Variants in PIK3C3 observed in about 807,000 individuals in gnomAD.
The protein encoded by PIK3C3 is PI3-kinase type 3.
Under a neutral mutation model 126.1 loss-of-function variants are expected in PIK3C3, and 95 were observed. That is an observed-to-expected ratio of 0.75 (90% CI 0.64 to 0.89). The LOEUF (loss-of-function observed/expected upper bound fraction) is 0.89, where lower values mean the gene tolerates loss of function less well. PIK3C3 is among the 40% of genes least tolerant of loss of function. The pLI is 0.00. For synonymous variants in PIK3C3, 374 were observed against 360.0 expected (o/e 1.04, Z -0.44); for missense variants, 829 against 1,063.2 (o/e 0.78, Z 3.06).
intron 24 of PIK3C3, among the ~76,000 whole-genome samples, chr18:42,068,664 C>T (rs1985641594): frequency 6.6e-6 from 1 of 151,896 alleles, no homozygotes; most frequent in Non-Finnish European, 1.5e-5. Context: ...TATTTAGATT[C>T]CCGGGGCCAG....
intron 12 of PIK3C3, 112 bp from the exon 13 acceptor site, chr18:42,020,526 A>G (rs761731426): frequency 4.7e-6 from 3 of 635,598 alleles, no homozygotes; most frequent in East Asian, 5.7e-5. Context: ...AGAAAATCTG[A>G]TCTATTACAT....
At position 42,033,527 on chromosome 18, in the gene PIK3C3, C is replaced by G. The variant is rs1983917674; in HGVS notation, c.1708-299C>G. ...GAAACAGAAATTGAATCTTTAGGTC[C>G]AACTTGAATAAATTCCTGATTCTTT... On this transcript the variant is annotated intron_variant, in intron 15 of 24. Coordinates refer to ENST00000262039, the MANE Select transcript of PIK3C3 (RefSeq NM_002647.4). Among the ~76,000 whole-genome samples the G allele has an allele frequency of 3.3e-5, 5 of 152,268 alleles. No homozygotes were observed. The South Asian group carries it at 1.0e-3, about 32-fold the overall frequency.
chr18:42,039,526 C>G (rs1263512804), intron 18 of PIK3C3, among the ~76,000 whole-genome samples: 1 of 152,200 alleles, frequency 6.6e-6, no homozygotes, highest in Non-Finnish European at 1.5e-5. Context: ...CAAGCCTCTT[C>G]TTTTTGCCAC....
At chr18:42,033,106 C>T (rs1983902958) in intron 15 of PIK3C3, among the ~76,000 whole-genome samples, 1 of 151,988 alleles carries the variant, frequency 6.6e-6, no homozygotes, top group South Asian at 2.1e-4. Flanking sequence ...AAGCCCTGCT[C>T]CTAAAGATTG....
intron 24 of PIK3C3, among the ~76,000 whole-genome samples, chr18:42,072,277 A>G (rs1198909167): frequency 6.6e-6 from 1 of 152,206 alleles, no homozygotes; most frequent in Non-Finnish European, 1.5e-5. Flanking sequence ...ATACATGCTT[A>G]AAGAATTACA....
intron 9 of PIK3C3, among the ~76,000 whole-genome samples, chr18:42,001,507 G>A (rs570088226): frequency 6.6e-6 from 1 of 152,202 alleles, no homozygotes; most frequent in Middle Eastern, 3.4e-3. Flanking sequence ...AAGACCTAGG[G>A]TCATTTAAAA....
intron 2 of PIK3C3, among the ~76,000 whole-genome samples, chr18:41,960,145 A>G (rs896225075): frequency 6.6e-6 from 1 of 152,160 alleles, no homozygotes; most frequent in South Asian, 2.1e-4. Flanking sequence ...AGTTCTAATA[A>G]TGAGGAACTC....
chr18:41,961,060 A>G (rs1980060206), intron 2 of PIK3C3, among the ~76,000 whole-genome samples: 1 of 152,122 alleles, frequency 6.6e-6, no homozygotes, highest in Non-Finnish European at 1.5e-5. Context: ...TATAAAACAT[A>G]TTAAGTGCAG....
Position 42,086,615 on chromosome 18 carries a change from A to T in PIK3C3, c.*5478A>T. On this transcript the variant is annotated 3_prime_UTR_variant, in exon 25 of 25. Transcript: ENST00000262039. ...CCTCCGGTCATCCTCACTGCTCATT[A>T]TACGCTAGTTATAATGCATTGACAT... 6.6e-6 allele frequency: 1 copy of T among 152,358 alleles called. No homozygotes were observed. 9.4% of individuals were successfully genotyped at this position (152,358 alleles called of 1,614,324 possible).
chr18:42,051,669 C>T (rs1433022637), intron 21 of PIK3C3, among the ~76,000 whole-genome samples: 4 of 152,076 alleles, frequency 2.6e-5, no homozygotes, highest in Non-Finnish European at 5.9e-5. Flanking sequence ...CTGATTTGCT[C>T]ATTTAGCAGA....
At chr18:41,970,506 GTA>G in intron 4 of PIK3C3, 50 bp downstream of exon 4, 1 of 1,529,920 alleles carries the variant, frequency 6.5e-7, no homozygotes, top group Non-Finnish European at 9.0e-7. Context: ...GATGTCTATT[GTA>G]GTATATATAC....
At chr18:42,059,814 T>A (rs1482122329) in intron 22 of PIK3C3, 1 of 151,204 alleles carries the variant, frequency 6.6e-6, no homozygotes, top group Non-Finnish European at 1.5e-5. Flanking sequence ...GTCGCCCAGG[T>A]TGGAGTGCAG....
At chr18:42,078,387 A>G (rs1490932421) in intron 24 of PIK3C3, among the ~76,000 whole-genome samples, 1 of 78,236 alleles carries the variant, frequency 1.3e-5, no homozygotes, top group African/African-American at 5.0e-5. Flanking sequence ...CTGTCTCAAA[A>G]AAAAAAAAAA....
chr18:41,967,310 G>A (rs1002331692), intron 3 of PIK3C3, among the ~76,000 whole-genome samples: 4 of 152,102 alleles, frequency 2.6e-5, no homozygotes, highest in Admixed American at 6.6e-5. Context: ...AGCAAGAAGC[G>A]CGTGCAGATT....
At chr18:41,966,774 C>T (rs1054476663) in intron 3 of PIK3C3, among the ~76,000 whole-genome samples, 29 of 152,150 alleles carry the variant, frequency 1.9e-4, no homozygotes, top group African/African-American at 6.8e-4. Context: ...CAGATATACA[C>T]GGAATATTCA....
intron 4 of PIK3C3, among the ~76,000 whole-genome samples, chr18:41,979,357 A>G (rs1169578228): frequency 2.0e-5 from 3 of 152,206 alleles, no homozygotes; most frequent in African/African-American, 7.2e-5. Flanking sequence ...TGGGCTTTTT[A>G]GAGCTGCATT....
rs962487447 is a variant in PIK3C3, at chr18:42,087,609, A to C, written c.*6472A>C. ...TTTGGAGCTTCTTTTCATTAAAGAA[A>C]AAAGCCTTACCGAGGACTCCCATAC... On this transcript the variant is annotated 3_prime_UTR_variant, in exon 25 of 25. Transcript: ENST00000262039. 1 of 152,234 alleles carries C rather than the reference A, an allele frequency of 6.6e-6. No individual in the cohort carries two copies. Among genetic ancestry groups the C allele is most frequent in the Non-Finnish European group, 1.5e-5 (1 of 68,038 alleles). The allele number at this position is 152,234 out of a possible 1,614,324, so 9.4% of individuals were successfully genotyped here.
chr18:42,044,763 A>G (rs957287177), intron 20 of PIK3C3, among the ~76,000 whole-genome samples: 1 of 152,158 alleles, frequency 6.6e-6, no homozygotes, highest in East Asian at 1.9e-4. Flanking sequence ...TAGATTGTTT[A>G]TGGGAGGATT....
chr18:42,002,457 G>T (rs1338714842), intron 9 of PIK3C3, among the ~76,000 whole-genome samples: 2 of 152,108 alleles, frequency 1.3e-5, no homozygotes, highest in Non-Finnish European at 1.5e-5. Context: ...TATTGGAAAG[G>T]TTGTCCACAT....
Sources: gnomAD v4.1 joint callset for allele counts (sites outside exome capture counted in the v4.1 genomes callset) on GRCh38, gnomAD v4.1.1 for gene constraint, MANE v1.5 for transcripts, NCBI Gene and HGNC (gene_info 2026-07-23, HGNC 2026-07-21) for gene names.